The following PRKG1 variants were observed in gnomAD, a reference collection of about 807,000 sequenced individuals.
PRKG1 encodes protein kinase cGMP-dependent 1, also known as cGMP-dependent protein kinase 1.
A neutral mutation model predicts 88.1 loss-of-function variants in PRKG1; 35 were observed. The observed-to-expected ratio is 0.40, with a 90% CI of 0.30 to 0.53. The LOEUF (loss-of-function observed/expected upper bound fraction) is 0.53. Ranked by LOEUF, PRKG1 falls within the 20% of genes least tolerant of loss-of-function variation. The pLI is 0.59. For missense variants in PRKG1, 540 were observed against 839.8 expected (o/e 0.64, Z 4.41); for synonymous variants, 303 against 292.5 (o/e 1.04, Z -0.37).
intron 5 of PRKG1, among the ~76,000 whole-genome samples, chr10:51,983,165 C>A (rs961775): frequency 6.6e-6 from 1 of 151,828 alleles, no homozygotes; most frequent in Non-Finnish European, 1.5e-5. Flanking sequence ...CACTGGCAGG[C>A]GTGGGGCTGG....
chr10:51,940,737 G>T (rs1842889495), intron 5 of PRKG1, among the ~76,000 whole-genome samples: 1 of 151,816 alleles, frequency 6.6e-6, no homozygotes. Flanking sequence ...ACTTTGCCAT[G>T]TTATTACTTC....
At chr10:51,350,748 A>C (rs191514540) in intron 2 of PRKG1, among the ~76,000 whole-genome samples, 1 of 152,226 alleles carries the variant, frequency 6.6e-6, no homozygotes, top group East Asian at 1.9e-4. Context: ...AGAAATCAAC[A>C]TACAAAAATC....
intron 9 of PRKG1, among the ~76,000 whole-genome samples, chr10:52,183,390 T>C (rs139425876): frequency 1.2e-3 from 184 of 152,328 alleles, no homozygotes; most frequent in African/African-American, 4.2e-3. Flanking sequence ...TAAGAGCATG[T>C]CAGCTGTTCT....
chr10:51,893,143 T>A (rs1229252910), intron 4 of PRKG1, among the ~76,000 whole-genome samples: 1 of 152,068 alleles, frequency 6.6e-6, no homozygotes, highest in Non-Finnish European at 1.5e-5. Context: ...TTCCTGATGG[T>A]CATTCTGACA....
In PRKG1 at chr10:51,438,034, A is replaced by T. The variant is rs1396099470; in HGVS notation, c.479-29689A>T. Reference sequence around the variant, plus strand: ...ACAGTATTGGCCTCCTTGACAGCTTATTAGAAATATAGACTCTTAGGTTCT... The same window carrying T: ...ACAGTATTGGCCTCCTTGACAGCTTTTTAGAAATATAGACTCTTAGGTTCT... On this transcript the variant is annotated intron_variant, in intron 2 of 17. Transcript: ENST00000373980. Among the ~76,000 whole-genome samples the T allele has an allele frequency of 2.0e-5, 3 of 151,810 alleles. No individual in the cohort carries two copies. The East Asian group carries it at 5.8e-4, about 29-fold the overall frequency.
At chr10:51,585,098 A>G (rs1021927523) in intron 3 of PRKG1, among the ~76,000 whole-genome samples, 2 of 152,090 alleles carry the variant, frequency 1.3e-5, no homozygotes, top group Non-Finnish European at 2.9e-5. Context: ...CAAGAAATTC[A>G]TAAACTTAAC....
At chr10:51,297,436 C>A (rs1237049436) in intron 2 of PRKG1, among the ~76,000 whole-genome samples, 1 of 151,956 alleles carries the variant, frequency 6.6e-6, no homozygotes, top group African/African-American at 2.4e-5. Context: ...TATCTTTTTT[C>A]CTTTTAAAAC....
At chr10:51,851,570 A>G (rs1174947721) in intron 4 of PRKG1, among the ~76,000 whole-genome samples, 1 of 152,218 alleles carries the variant, frequency 6.6e-6, no homozygotes, top group East Asian at 1.9e-4. Flanking sequence ...TACTTTTTAC[A>G]TTATTTCTTT....
At chr10:51,894,995 T>A (rs1804445825) in intron 4 of PRKG1, among the ~76,000 whole-genome samples, 1 of 152,198 alleles carries the variant, frequency 6.6e-6, no homozygotes, top group Non-Finnish European at 1.5e-5. Flanking sequence ...GATGCCTAAC[T>A]GATGAGAATA....
At chr10:51,305,577 C>T (rs1424835151) in intron 2 of PRKG1, among the ~76,000 whole-genome samples, 1 of 152,110 alleles carries the variant, frequency 6.6e-6, no homozygotes, top group Non-Finnish European at 1.5e-5. Context: ...AGAAGCCTTT[C>T]AATTGGCCTT....
At chr10:51,977,088 T>A (rs532647161) in intron 5 of PRKG1, among the ~76,000 whole-genome samples, 202 of 152,054 alleles carry the variant, frequency 1.3e-3, no homozygotes, top group Non-Finnish European at 2.4e-3. Flanking sequence ...CTAGTGACCA[T>A]TAGTTATTGT....
chr10:51,019,792 G>A (rs1236730663), intron 1 of PRKG1, among the ~76,000 whole-genome samples: 2 of 151,184 alleles, frequency 1.3e-5, no homozygotes, highest in African/African-American at 4.9e-5. Flanking sequence ...CTGAAACTAA[G>A]CAACAAAACA....
rs200610874 is a variant in PRKG1, at chr10:52,288,726, C to T, written c.1710C>T (p.Ser570=). 196 of 1,574,176 alleles carry T rather than the reference C, an allele frequency of 1.2e-4. 1 individual carries two copies. The South Asian group carries it at 2.2e-3, about 18-fold the overall frequency. The change falls in exon 15 of 18, where the codon AGC becomes AGT. Residue 570 remains serine, a splice_region_variant and synonymous_variant. Coordinates refer to ENST00000373980, the MANE Select transcript of PRKG1 (RefSeq NM_006258.4). ...CTTGTCGTGTCTCTCATTCTTGCAG[C>T]CCACCTTTCTCAGGCCCAGATCCTA... is the stretch of plus-strand genomic sequence containing the variant. ...GILMYELLTG[S]PPFSGPDPMK...
At position 52,286,858 on chromosome 10, in the gene PRKG1, C is replaced by G. The variant is rs1589760309; in HGVS notation, c.1710-1868C>G. Among the ~76,000 whole-genome samples, 5 of 151,748 alleles carry G rather than the reference C, an allele frequency of 3.3e-5. No individual in the cohort carries two copies. In the South Asian group the frequency reaches 1.0e-3, roughly 31 times the overall value. On this transcript the variant is annotated intron_variant, in intron 14 of 17. Transcript: ENST00000373980. ...AGCTAAAGTAAAATTAAATCGAATA[C>G]TTCTAAATTTAAAAATATGCATAAT...
intron 1 of PRKG1, among the ~76,000 whole-genome samples, chr10:51,003,399 A>G (rs1317466110): frequency 6.6e-6 from 1 of 152,216 alleles, no homozygotes; most frequent in African/African-American, 2.4e-5. Context: ...GGGCATCACG[A>G]GAGGTGTCCA....
At chr10:51,195,290 G>A (rs1226129525) in intron 2 of PRKG1, among the ~76,000 whole-genome samples, 1 of 152,118 alleles carries the variant, frequency 6.6e-6, no homozygotes, top group African/African-American at 2.4e-5. Flanking sequence ...TCTTTGAATT[G>A]GACCCGTTCA....
At chr10:51,105,184 T>C (rs556716431) in intron 1 of PRKG1, among the ~76,000 whole-genome samples, 27 of 152,346 alleles carry the variant, frequency 1.8e-4, no homozygotes, top group Non-Finnish European at 2.1e-4. Context: ...TCTTTCCTTT[T>C]GAAAAATGTG....
chr10:51,071,265 G>A (rs966032877), upstream of PRKG1, among the ~76,000 whole-genome samples: 4 of 152,118 alleles, frequency 2.6e-5, no homozygotes, highest in Non-Finnish European at 5.9e-5. Context: ...AAACCTGGTC[G>A]CTCAAGATCT....
chr10:51,957,869 G>C (rs1843351668), intron 5 of PRKG1, among the ~76,000 whole-genome samples: 2 of 152,240 alleles, frequency 1.3e-5, no homozygotes, highest in East Asian at 3.9e-4. Flanking sequence ...CCATTAGTCT[G>C]TAAGCTATCT....
Sources: gnomAD v4.1 joint callset for allele counts (sites outside exome capture counted in the v4.1 genomes callset) on GRCh38, gnomAD v4.1.1 for gene constraint, MANE v1.5 for transcripts, NCBI Gene and HGNC (gene_info 2026-07-23, HGNC 2026-07-21) for gene names.